TECRL: variants seen among roughly 807,000 people sequenced by gnomAD.
TECRL encodes the protein trans-2,3-enoyl-CoA reductase like, also known as trans-2,3-enoyl-CoA reductase-like.
TECRL carries 63 observed loss-of-function variants against 52.8 expected under a neutral mutation model. The observed-to-expected ratio is 1.19, with a 90% CI of 0.97 to 1.47. The LOEUF is 1.47. Ranked by LOEUF, TECRL falls within the 40% of genes most tolerant of loss-of-function variation. The probability of loss-of-function intolerance (pLI) is 0.00; values close to 1 mark genes in which losing one functional copy is unlikely to be tolerated. For synonymous variants in TECRL, 164 were observed against 141.9 expected, an observed-to-expected ratio of 1.16 and a Z score of -1.10; for missense variants, 482 against 429.6, an observed-to-expected ratio of 1.12 and a Z score of -1.08.
intron 5 of TECRL, among the ~76,000 whole-genome samples, chr4:64,310,532 T>C (rs901118415): frequency 2.0e-5 from 3 of 152,200 alleles, no homozygotes; most frequent in Admixed American, 1.3e-4. Context: ...TTCTTATCAT[T>C]TTTATATAAT....
intron 1 of TECRL, 150 bp downstream of exon 1, chr4:64,408,968 G>A: frequency 1.5e-6 from 1 of 645,900 alleles, no homozygotes; most frequent in East Asian, 2.8e-5. Context: ...AATGCATAAA[G>A]TATGCATCCT....
At chr4:64,277,316 C>CTATT (rs1445858750), downstream of TECRL, among the ~76,000 whole-genome samples, 3 of 151,796 alleles carry the variant, frequency 2.0e-5, no homozygotes, top group African/African-American at 7.2e-5. Flanking sequence ...AAAACAGAAA[C>CTATT]TATTCTTAGT....
At chr4:64,282,748 G>A (rs1005024944) in intron 9 of TECRL, among the ~76,000 whole-genome samples, 3 of 151,870 alleles carry the variant, frequency 2.0e-5, no homozygotes, top group African/African-American at 7.3e-5. Context: ...ATTAAATAAT[G>A]GATATGCCTT....
intron 2 of TECRL, among the ~76,000 whole-genome samples, chr4:64,331,064 A>G (rs1718603288): frequency 6.6e-6 from 1 of 152,108 alleles, no homozygotes; most frequent in African/African-American, 2.4e-5. Flanking sequence ...TTTCTTGCAC[A>G]TTGGGAATCT....
intron 1 of TECRL, among the ~76,000 whole-genome samples, chr4:64,387,264 T>C (rs1263009553): frequency 5.3e-5 from 8 of 152,168 alleles, no homozygotes; most frequent in Admixed American, 5.2e-4. Flanking sequence ...TCTTTAGTGC[T>C]GAATAACATT....
intron 2 of TECRL, among the ~76,000 whole-genome samples, chr4:64,346,858 T>A (rs964721434): frequency 6.6e-6 from 1 of 152,232 alleles, no homozygotes; most frequent in Non-Finnish European, 1.5e-5. Flanking sequence ...TTCATATGTT[T>A]GCTTTTAGGT....
intron 9 of TECRL, among the ~76,000 whole-genome samples, chr4:64,285,878 C>A (rs1723053833): frequency 6.6e-6 from 1 of 151,930 alleles, no homozygotes; most frequent in African/African-American, 2.4e-5. Flanking sequence ...AAGAAGGAAG[C>A]ATGTTCTGGG....
chr4:64,367,580 G>A (rs144757484), intron 2 of TECRL, among the ~76,000 whole-genome samples: 2,460 of 151,914 alleles, frequency 0.016, 29 homozygotes, highest in Non-Finnish European at 0.024. Context: ...AATATACAGC[G>A]AAATAAATTT....
intron 8 of TECRL, among the ~76,000 whole-genome samples, chr4:64,297,974 G>T (rs531008190): frequency 6.6e-6 from 1 of 151,006 alleles, no homozygotes; most frequent in African/African-American, 2.4e-5. Context: ...AGTCACAGTG[G>T]TCATTCTATC....
intron 5 of TECRL, among the ~76,000 whole-genome samples, chr4:64,312,979 G>A (rs553960960): frequency 1.3e-5 from 2 of 152,144 alleles, no homozygotes; most frequent in South Asian, 2.1e-4. Context: ...AGTACCTTCC[G>A]CCATAATTGT....
chr4:64,331,085 C>CT (rs1718605427), intron 2 of TECRL, among the ~76,000 whole-genome samples: 1 of 152,044 alleles, frequency 6.6e-6, no homozygotes, highest in Admixed American at 6.6e-5. Context: ...ATATAAAGCC[C>CT]TAGGCCAGTA....
chr4:64,399,212 C>G (rs1038693552), intron 1 of TECRL, among the ~76,000 whole-genome samples: 9 of 152,098 alleles, frequency 5.9e-5, no homozygotes, highest in Non-Finnish European at 1.2e-4. Context: ...TGGGACACCT[C>G]TGGTTGTGGA....
At chr4:64,374,833 G>C (rs903948146) in intron 2 of TECRL, among the ~76,000 whole-genome samples, 5 of 151,954 alleles carry the variant, frequency 3.3e-5, no homozygotes, top group African/African-American at 9.7e-5. Context: ...TGGTTTGGTT[G>C]AAATTCTTTG....
At chr4:64,340,581 G>A (rs1719495965) in intron 2 of TECRL, among the ~76,000 whole-genome samples, 1 of 152,244 alleles carries the variant, frequency 6.6e-6, no homozygotes, top group Non-Finnish European at 1.5e-5. Context: ...TTTGGGCACT[G>A]ACAAGCAAGG....
At chr4:64,360,394 TGAAC>T (rs1721090849) in intron 2 of TECRL, among the ~76,000 whole-genome samples, 1 of 152,196 alleles carries the variant, frequency 6.6e-6, no homozygotes, top group Non-Finnish European at 1.5e-5. Flanking sequence ...TTCAAGTTGT[TGAAC>T]TATTTTGAAG....
At chr4:64,319,133 G>A (rs979112548) in intron 4 of TECRL, among the ~76,000 whole-genome samples, 11 of 151,516 alleles carry the variant, frequency 7.3e-5, no homozygotes, top group African/African-American at 2.4e-4. Context: ...GTAACCCCTA[G>A]AATTAGTAAA....
chr4:64,322,145 A>G (rs1268271742), intron 4 of TECRL, among the ~76,000 whole-genome samples: 1 of 152,152 alleles, frequency 6.6e-6, no homozygotes, highest in Non-Finnish European at 1.5e-5. Context: ...TCAAAAGAGT[A>G]TCAAAGAACT....
At chr4:64,364,064 C>A (rs1260914506) in intron 2 of TECRL, among the ~76,000 whole-genome samples, 1 of 151,978 alleles carries the variant, frequency 6.6e-6, no homozygotes, top group Non-Finnish European at 1.5e-5. Context: ...CAGTTACACT[C>A]AGAGCACAGC....
rs1433324417 is a variant in TECRL, at chr4:64,328,534, T to C, written c.309A>G (p.Arg103=). 1.1e-5 allele frequency: 18 copies of C among 1,611,674 alleles called. No individual in the cohort carries two copies. Among genetic ancestry groups the C allele is most frequent in the Admixed American group, 1.7e-5 (1 of 59,836 alleles). ...HKACPKWYPS[R]VGLQLECGGP... is the part of the protein sequence containing the mutation. Reference sequence around the variant, plus strand: ...TACCACATTCTAGCTGCAGACCAACTCGAGAAGGGTACCACTTTGGACCTA... The same window carrying C: ...TACCACATTCTAGCTGCAGACCAACCCGAGAAGGGTACCACTTTGGACCTA... The change falls in exon 3 of 12, where the codon CGA becomes CGG. Residue 103 remains arginine, a synonymous_variant. Coordinates refer to ENST00000381210, the MANE Select transcript of TECRL (RefSeq NM_001010874.5).
Sources: gnomAD v4.1 joint callset for allele counts (sites outside exome capture counted in the v4.1 genomes callset) on GRCh38, gnomAD v4.1.1 for gene constraint, MANE v1.5 for transcripts, NCBI Gene and HGNC (gene_info 2026-07-23, HGNC 2026-07-21) for gene names.